The following DPYD variants were observed in gnomAD, a reference collection of about 807,000 sequenced individuals.
The protein encoded by DPYD is dihydropyrimidine dehydrogenase.
In DPYD, 109 loss-of-function variants were observed where a neutral mutation model predicts 116.2. That is an observed-to-expected ratio of 0.94 (90% CI 0.80 to 1.10). The LOEUF is 1.10. Ranked by LOEUF, DPYD falls within the 50% of genes least tolerant of loss-of-function variation. DPYD has a pLI of 0.00. For synonymous variants in DPYD, 440 were observed against 432.0 expected, an observed-to-expected ratio of 1.02 and a Z score of -0.23; for missense variants, 1,302 against 1,254.5, an observed-to-expected ratio of 1.04 and a Z score of -0.57.
intron 19 of DPYD, among the ~76,000 whole-genome samples, chr1:97,220,267 G>A (rs1016425363): frequency 5.3e-5 from 8 of 152,176 alleles, no homozygotes; most frequent in Admixed American, 3.9e-4. Flanking sequence ...CTGAACTAGC[G>A]CATTAGCAAG....
chr1:97,700,520 C>A (rs1412725930), intron 5 of DPYD, among the ~76,000 whole-genome samples: 1 of 151,962 alleles, frequency 6.6e-6, no homozygotes, highest in Non-Finnish European at 1.5e-5. Flanking sequence ...GCCAACCTAG[C>A]CTTGAGTCAA....
chr1:97,914,620 C>T (rs552471114), intron 1 of DPYD, among the ~76,000 whole-genome samples: 4 of 152,182 alleles, frequency 2.6e-5, no homozygotes, highest in South Asian at 4.1e-4. Flanking sequence ...TATTAACCTA[C>T]GTAATAGATG....
intron 8 of DPYD, among the ~76,000 whole-genome samples, chr1:97,631,807 G>A (rs1160977170): frequency 2.0e-5 from 3 of 151,810 alleles, no homozygotes; most frequent in African/African-American, 7.3e-5. Flanking sequence ...GGGGATATGG[G>A]GGATAGAGGA....
At chr1:97,844,293 G>A (rs750510241) in intron 2 of DPYD, among the ~76,000 whole-genome samples, 10 of 152,226 alleles carry the variant, frequency 6.6e-5, no homozygotes, top group South Asian at 4.2e-4. Flanking sequence ...CTCAGAAGTC[G>A]TAAGTGTCTT....
chr1:97,754,481 C>T (rs1002615894), intron 3 of DPYD, among the ~76,000 whole-genome samples: 6 of 152,180 alleles, frequency 3.9e-5, no homozygotes, highest in African/African-American at 7.2e-5. Flanking sequence ...CAGTACGTGG[C>T]ATGCTCCATT....
intron 20 of DPYD, among the ~76,000 whole-genome samples, chr1:97,184,603 T>C (rs1657873061): frequency 6.6e-6 from 1 of 152,178 alleles, no homozygotes; most frequent in Non-Finnish European, 1.5e-5. Flanking sequence ...ATACTACATA[T>C]ATTTTAATTT....
intron 18 of DPYD, among the ~76,000 whole-genome samples, chr1:97,303,966 T>TAGAA (rs1667015091): frequency 3.3e-5 from 5 of 152,076 alleles, no homozygotes; most frequent in Non-Finnish European, 7.4e-5. Flanking sequence ...AAAGACTTTT[T>TAGAA]CTAATGCTGT....
At chr1:97,509,764 T>G (rs527477816) in intron 13 of DPYD, among the ~76,000 whole-genome samples, 61 of 151,912 alleles carry the variant, frequency 4.0e-4, no homozygotes, top group Non-Finnish European at 6.0e-4. Flanking sequence ...AGACAGTTTG[T>G]TAAGACTTTA....
chr1:97,625,298 T>C (rs1656865763), intron 8 of DPYD, among the ~76,000 whole-genome samples: 1 of 151,426 alleles, frequency 6.6e-6, no homozygotes, highest in Non-Finnish European at 1.5e-5. Flanking sequence ...ATAATTCTAA[T>C]TGGAAGGATT....
chr1:97,721,945 T>C (rs990037329), intron 4 of DPYD, among the ~76,000 whole-genome samples: 2 of 151,696 alleles, frequency 1.3e-5, no homozygotes, highest in African/African-American at 4.8e-5. Context: ...GTTCTGTAAA[T>C]GGTTTTCATT....
intron 5 of DPYD, among the ~76,000 whole-genome samples, chr1:97,721,119 T>A (rs1662899366): frequency 6.6e-6 from 1 of 151,778 alleles, no homozygotes. Context: ...CAATGAAATA[T>A]GCTGTATTTC....
intron 16 of DPYD, among the ~76,000 whole-genome samples, chr1:97,370,145 G>C (rs1425095622): frequency 6.6e-6 from 1 of 152,070 alleles, no homozygotes; most frequent in Non-Finnish European, 1.5e-5. Flanking sequence ...CCCAGTAATA[G>C]GATTGCTGGG....
At chr1:97,895,061 G>A (rs1672987942) in intron 1 of DPYD, among the ~76,000 whole-genome samples, 1 of 151,728 alleles carries the variant, frequency 6.6e-6, no homozygotes, top group South Asian at 2.1e-4. Flanking sequence ...CATTGGGTAA[G>A]AAAATCTATA....
At chr1:97,375,907 A>C (rs534220818) in intron 15 of DPYD, among the ~76,000 whole-genome samples, 1 of 152,364 alleles carries the variant, frequency 6.6e-6, no homozygotes, top group East Asian at 1.9e-4. Flanking sequence ...ATTTTGGATT[A>C]AATAAGGCTT....
intron 20 of DPYD, among the ~76,000 whole-genome samples, chr1:97,133,578 A>G (rs1653496649): frequency 6.6e-6 from 1 of 152,060 alleles, no homozygotes; most frequent in South Asian, 2.1e-4. Context: ...GACACTTTTG[A>G]TCTTTTTCTT....
chr1:97,407,290 T>C (rs918151234), intron 14 of DPYD, among the ~76,000 whole-genome samples: 3 of 152,292 alleles, frequency 2.0e-5, no homozygotes, highest in Admixed American at 6.5e-5. Context: ...GTTGTAAAGA[T>C]TATTAAAACA....
chr1:97,406,204 C>T (rs7544128), intron 14 of DPYD, among the ~76,000 whole-genome samples: 2 of 151,134 alleles, frequency 1.3e-5, no homozygotes, highest in African/African-American at 2.4e-5. Flanking sequence ...CTAACCTTGG[C>T]GTAGCAGTTT....
chr1:97,735,331 A>C (rs995476604), intron 4 of DPYD, among the ~76,000 whole-genome samples: 1 of 152,132 alleles, frequency 6.6e-6, no homozygotes, highest in Non-Finnish European at 1.5e-5. Context: ...ACTCGCAGAG[A>C]CTTTTAATAG....
intron 16 of DPYD, among the ~76,000 whole-genome samples, chr1:97,329,241 T>C (rs903603699): frequency 2.0e-5 from 3 of 152,160 alleles, no homozygotes; most frequent in Non-Finnish European, 4.4e-5. Context: ...ATAAATTCAT[T>C]TTTGTGGTGA....
Sources: gnomAD v4.1 joint callset for allele counts (sites outside exome capture counted in the v4.1 genomes callset) on GRCh38, gnomAD v4.1.1 for gene constraint, MANE v1.5 for transcripts, NCBI Gene and HGNC (gene_info 2026-07-23, HGNC 2026-07-21) for gene names.